The following EPHX2 variants were observed in gnomAD, a reference collection of about 807,000 sequenced individuals.
EPHX2 encodes the protein bifunctional epoxide hydrolase 2.
Under a neutral mutation model 78.7 loss-of-function variants are expected in EPHX2, and 74 were observed. That is an observed-to-expected ratio of 0.94 (90% CI 0.78 to 1.14). EPHX2 has a LOEUF of 1.14. Ranked by LOEUF, EPHX2 falls within the 50% of genes most tolerant of loss-of-function variation. The pLI, the probability that EPHX2 is intolerant of heterozygous loss-of-function variation, is 0.00. For missense variants in EPHX2, 715 were observed against 702.5 expected, an observed-to-expected ratio of 1.02 and a Z score of -0.20; for synonymous variants, 251 against 255.2, an observed-to-expected ratio of 0.98 and a Z score of 0.16.
At chr8:27,538,851 C>G in intron 14 of EPHX2, 159 bp downstream of exon 14, 1 of 724,694 alleles carries the variant, frequency 1.4e-6, no homozygotes, top group Non-Finnish European at 2.4e-6. Context: ...CTGACTCTAA[C>G]CCCAGGCCTG....
At chr8:27,501,324 T>TTTCTTTC (rs1813762178) in intron 2 of EPHX2, among the ~76,000 whole-genome samples, 2 of 102,914 alleles carry the variant, frequency 1.9e-5, no homozygotes, top group African/African-American at 7.3e-5. Context: ...TGCTATATAT[T>TTTCTTTC]TTCTTCTTCT....
chr8:27,508,882 T>C (rs543226046), intron 5 of EPHX2, among the ~76,000 whole-genome samples: 1 of 150,786 alleles, frequency 6.6e-6, no homozygotes, highest in Admixed American at 6.6e-5. Context: ...CATGAAACTC[T>C]GGACCATCAA....
chr8:27,517,223 T>C (rs764614328), intron 8 of EPHX2, among the ~76,000 whole-genome samples: 12 of 152,232 alleles, frequency 7.9e-5, no homozygotes, highest in Non-Finnish European at 1.5e-4. Context: ...TTTTGCTTTC[T>C]GGAATTGCTA....
chr8:27,529,993 G>A (rs1478555192), intron 12 of EPHX2, among the ~76,000 whole-genome samples: 2 of 151,816 alleles, frequency 1.3e-5, no homozygotes, highest in African/African-American at 4.8e-5. Context: ...AAAAATTGTA[G>A]GCAGAAGGTT....
rs56963159 is a variant in EPHX2 at position 27,525,068 on chromosome 8, C to CTGTGTGTG, written c.1059-261_1059-254dup. Among the ~76,000 whole-genome samples the CTGTGTGTG allele has an allele frequency of 5.7e-3, 752 of 131,200 alleles. 3 individuals carry two copies. Among genetic ancestry groups the CTGTGTGTG allele is most frequent in the Admixed American group, 8.2e-3 (110 of 13,492 alleles). The allele number at this position is 131,200 out of a possible 152,430, so 86.1% of individuals were successfully genotyped here. ...ATCCAGGGTTGCTACAGTATGTGTA[C>CTGTGTGTG]TGTGTGTGTGTGTGTGTGTGTGTGT... On this transcript the variant is annotated intron_variant, in intron 11 of 18. Transcript: ENST00000521400.
In EPHX2 at chr8:27,544,470, T is replaced by C. The variant is rs1437228442; in HGVS notation, c.1616T>C (p.Ile539Thr). The C allele has an allele frequency of 6.2e-7, 1 of 1,613,940 alleles. No homozygotes were observed. The highest frequency in any genetic ancestry group is 8.5e-7 in the Non-Finnish European group (1 of 1,180,036). The change falls in exon 19 of 19, where the codon ATT becomes ACT. Residue 539 changes from isoleucine (I) to threonine (T), a missense_variant. Coordinates refer to ENST00000521400, the MANE Select transcript of EPHX2 (RefSeq NM_001979.6). ...DKPTEVNQIL[I>T]KWLDSDARNP... ...CCAACCGAGGTGAATCAGATCCTCA[T>C]TAAGTGGCTGGATTCTGATGCCCGG...
chr8:27,522,582 T>G (rs1414480460), intron 11 of EPHX2, 74 bp downstream of exon 11: 4 of 1,488,310 alleles, frequency 2.7e-6, no homozygotes, highest in Non-Finnish European at 3.7e-6. Flanking sequence ...TCCTCAGATC[T>G]TTAAGCCCAG....
chr8:27,541,499 T>C lies in EPHX2; in HGVS notation c.1406T>C (p.Met469Thr), dbSNP rs753594262. ...GGTCCTCTAAACTGGTACCGAAACATGGAAAGGAACTGGAAGTGGGCTTGC... is the reference window on the plus strand; with the variant it reads ...GGTCCTCTAAACTGGTACCGAAACACGGAAAGGAACTGGAAGTGGGCTTGC... ...FRGPLNWYRNMERNWKWACKS... is the reference protein window; with the variant it reads ...FRGPLNWYRNTERNWKWACKS... The change falls in exon 16 of 19, where the codon ATG becomes ACG. Residue 469 changes from methionine (M) to threonine (T), a missense_variant. Transcript: ENST00000521400. 3 of 1,614,034 alleles carry C rather than the reference T, an allele frequency of 1.9e-6. No homozygotes were observed. Among genetic ancestry groups the C allele is most frequent in the Non-Finnish European group, 1.7e-6 (2 of 1,180,012 alleles).
chr8:27,499,643 A>G (rs1415994728), intron 1 of EPHX2, among the ~76,000 whole-genome samples: 1 of 152,236 alleles, frequency 6.6e-6, no homozygotes, highest in Non-Finnish European at 1.5e-5. Flanking sequence ...TAATAGAACA[A>G]ATGCATTCGT....
At chr8:27,499,174 G>A (rs1232840730) in intron 1 of EPHX2, among the ~76,000 whole-genome samples, 3 of 152,140 alleles carry the variant, frequency 2.0e-5, no homozygotes, top group Non-Finnish European at 4.4e-5. Context: ...GCCTATGGAT[G>A]AATTAATCCA....
In EPHX2 at chr8:27,540,623, T is replaced by C; in HGVS notation, c.1346T>C (p.Phe449Ser). 1 of 1,614,030 alleles carries C rather than the reference T, an allele frequency of 6.2e-7. No individual in the cohort carries two copies. The highest frequency in any genetic ancestry group is 8.5e-7 in the Non-Finnish European group (1 of 1,179,982). ...ATGGTCACTGAGGAGGAAATCCAGT[T>C]CTATGTGCAGCAGTTCAAGAAGTCT... ...SRMVTEEEIQ[F>S]YVQQFKKSGF... The change falls in exon 15 of 19, where the codon TTC becomes TCC. Residue 449 changes from phenylalanine (F) to serine (S), a missense_variant. By Grantham distance (155) the Phe-to-Ser change is radical (BLOSUM62 -2). Coordinates refer to ENST00000521400, the MANE Select transcript of EPHX2 (RefSeq NM_001979.6).
chr8:27,539,606 C>A (rs1206230160), intron 14 of EPHX2, among the ~76,000 whole-genome samples: 6 of 152,176 alleles, frequency 3.9e-5, no homozygotes, highest in African/African-American at 4.8e-5. Flanking sequence ...TCATTCATTC[C>A]TCAAATGCTG....
intron 3 of EPHX2, among the ~76,000 whole-genome samples, chr8:27,504,055 C>T (rs940364109): frequency 3.9e-5 from 6 of 152,200 alleles, no homozygotes; most frequent in Non-Finnish European, 7.3e-5. Context: ...ATGACATGAT[C>T]TTTTGTCACA....
intron 12 of EPHX2, among the ~76,000 whole-genome samples, chr8:27,529,898 A>AAAAAAG (rs1377834616): frequency 6.6e-6 from 1 of 151,948 alleles, no homozygotes; most frequent in Non-Finnish European, 1.5e-5. Context: ...GCAAAAAAAA[A>AAAAAAG]AAAAAGAAAA....
intron 12 of EPHX2, among the ~76,000 whole-genome samples, chr8:27,526,188 C>T (rs1026237829): frequency 2.0e-5 from 3 of 152,242 alleles, no homozygotes; most frequent in African/African-American, 7.2e-5. Context: ...CAGCCTCCAC[C>T]TCTGCTCCTC....
intron 4 of EPHX2, among the ~76,000 whole-genome samples, 160 bp from the exon 5 acceptor site, chr8:27,506,712 C>T (rs1047367665): frequency 2.0e-5 from 3 of 152,114 alleles, no homozygotes; most frequent in African/African-American, 7.2e-5. Context: ...TCATATGTGC[C>T]TTTGTTTTCA....
intron 1 of EPHX2, chr8:27,493,206 GGA>G (rs989583487): frequency 6.5e-6 from 1 of 153,364 alleles, no homozygotes; most frequent in Non-Finnish European, 1.5e-5. Flanking sequence ...CCTAGAAAGG[GGA>G]GAAGCCAAGT....
At chr8:27,498,806 T>A (rs1452797817) in intron 1 of EPHX2, among the ~76,000 whole-genome samples, 1 of 152,208 alleles carries the variant, frequency 6.6e-6, no homozygotes. Flanking sequence ...TGGAATGTGG[T>A]GATGCTTACA....
Position 27,536,816 on chromosome 8 carries a change from G to C in EPHX2, c.1203G>C (p.Leu401=). The C allele has an allele frequency of 6.2e-7, 1 of 1,609,978 alleles. No individual in the cohort carries two copies. Among genetic ancestry groups the C allele is most frequent in the Non-Finnish European group, 8.5e-7 (1 of 1,177,108 alleles). The change falls in exon 13 of 19, where the codon CTG becomes CTC. Residue 401 remains leucine (L), a synonymous_variant. Transcript: ENST00000521400. The part of the protein sequence containing the change: ...GVAEAELEQN[L]SRTFKSLFRA... ...CTGAGGCTGAACTGGAACAGAACCTGAGTCGGACTTTCAAAAGCCTCTTCA... is the reference window on the plus strand; with the variant it reads ...CTGAGGCTGAACTGGAACAGAACCTCAGTCGGACTTTCAAAAGCCTCTTCA...
Sources: gnomAD v4.1 joint callset for allele counts (sites outside exome capture counted in the v4.1 genomes callset) on GRCh38, gnomAD v4.1.1 for gene constraint, MANE v1.5 for transcripts, NCBI Gene and HGNC (gene_info 2026-07-23, HGNC 2026-07-21) for gene names.